BYSL: variants seen among roughly 807,000 people sequenced by gnomAD.
BYSL encodes bystin like, also known as bystin.
A neutral mutation model predicts 45.4 loss-of-function variants in BYSL; 21 were observed. That is an observed-to-expected ratio of 0.46 (90% CI 0.33 to 0.67). The LOEUF (loss-of-function observed/expected upper bound fraction) is 0.67. Ranked by LOEUF, BYSL falls within the 30% of genes least tolerant of loss-of-function variation. The pLI is 0.02. For synonymous variants in BYSL, 215 were observed against 231.3 expected, an observed-to-expected ratio of 0.93 and a Z score of 0.64; for missense variants, 522 against 578.5, an observed-to-expected ratio of 0.90 and a Z score of 1.00.
upstream of BYSL, chr6:41,916,859 C>A (rs769852552): frequency 6.2e-7 from 1 of 1,614,102 alleles, no homozygotes; most frequent in Non-Finnish European, 8.5e-7. Flanking sequence ...CTTCTCTGCC[C>A]CAAGCATCTC....
upstream of BYSL, chr6:41,917,936 A>G: frequency 3.1e-6 from 1 of 322,574 alleles, no homozygotes; most frequent in South Asian, 2.4e-5. Flanking sequence ...AAAAAAGAAA[A>G]GCAGTCTTCA....
At chr6:41,916,076 G>C in the BYSL span, among the ~76,000 whole-genome samples, 1 of 151,468 alleles carries the variant, frequency 6.6e-6, no homozygotes, top group Non-Finnish European at 1.5e-5. Flanking sequence ...GGGAGACCCT[G>C]TCTCTACAAA....
At chr6:41,914,587 T>C in the BYSL span, among the ~76,000 whole-genome samples, 3 of 151,632 alleles carry the variant, frequency 2.0e-5, no homozygotes. Context: ...GAGCCAAGAC[T>C]AAGACAAACA....
At chr6:41,924,353 G>T (rs1775535040) in intron 1 of BYSL, among the ~76,000 whole-genome samples, 1 of 152,090 alleles carries the variant, frequency 6.6e-6, no homozygotes, top group African/African-American at 2.4e-5. Context: ...TTACAGGCAT[G>T]AGCCACTGCA....
intron 1 of BYSL, 89 bp downstream of exon 1, chr6:41,921,919 T>G: frequency 6.8e-7 from 1 of 1,471,880 alleles, no homozygotes; most frequent in Non-Finnish European, 9.0e-7. Context: ...GGGAATTGCT[T>G]CGAGTCAACA....
In BYSL at chr6:41,931,726, A is replaced by G. The variant is rs1353986511; in HGVS notation, c.866-2A>G. ...CAGTGGCTGCCCTTTGACTCTCCCT[A>G]GGGATCCTGATTCCACTGTGCGAGT... On this transcript the variant is annotated splice_acceptor_variant, in intron 5 of 6. Transcript: ENST00000230340. LOFTEE classifies it high-confidence loss of function. 6.2e-7 allele frequency: 1 copy of G among 1,613,916 alleles called. No individual in the cohort carries two copies. Among genetic ancestry groups the G allele is most frequent in the Non-Finnish European group, 8.5e-7 (1 of 1,179,840 alleles).
intron 1 of BYSL, among the ~76,000 whole-genome samples, chr6:41,927,093 CAAAA>C (rs79860520): frequency 1.1e-5 from 1 of 93,334 alleles, no homozygotes; most frequent in Admixed American, 1.1e-4. Context: ...GACTCCATTT[CAAAA>C]AAAAAAAAAA....
Position 41,930,682 on chromosome 6 carries a change from C to G in BYSL, c.618C>G (p.Ile206Met), listed in dbSNP as rs1264430230. The G allele has an allele frequency of 2.5e-6, 4 of 1,613,818 alleles. No individual in the cohort carries two copies. The Admixed American group carries it at 6.7e-5, about 27-fold the overall frequency. ...RSGKLPKAFKIIPALSNWEQI... is the reference protein window; with the variant it reads ...RSGKLPKAFKMIPALSNWEQI... ...GAAAACTGCCCAAGGCATTTAAGATCATCCCTGCACTCTCCAACTGGGAGC... is the reference window on the plus strand; with the variant it reads ...GAAAACTGCCCAAGGCATTTAAGATGATCCCTGCACTCTCCAACTGGGAGC... Residue 206 changes from isoleucine to methionine, a missense_variant, in exon 4 of 7, where the codon ATC (isoleucine) becomes ATG (methionine). Ile to Met is a conservative substitution (Grantham distance 10). Transcript: ENST00000230340.
upstream of BYSL, chr6:41,921,210 C>T (rs556193352): frequency 6.2e-5 from 45 of 720,316 alleles, no homozygotes; most frequent in African/African-American, 7.0e-4. Context: ...TCGGTGACGC[C>T]TCCACTGACA....
intron 4 of BYSL, 22 bp from the exon 5 acceptor site, chr6:41,931,374 T>TC: frequency 6.2e-7 from 1 of 1,613,648 alleles, no homozygotes; most frequent in Non-Finnish European, 8.5e-7. Flanking sequence ...GTTGGAAACT[T>TC]CCCCCGCTTA....
rs750770439 is a variant in BYSL at position 41,932,445 on chromosome 6, A to G, written c.1053A>G (p.Ala351=). 1.9e-6 allele frequency: 3 copies of G among 1,614,048 alleles called. No homozygotes were observed. The highest frequency in any genetic ancestry group is 2.5e-6 in the Non-Finnish European group (3 of 1,180,040). Residue 351 remains alanine (A), a synonymous_variant, in exon 7 of 7, where the codon GCA becomes GCG. Coordinates refer to ENST00000230340, the MANE Select transcript of BYSL (RefSeq NM_004053.4). This position sits in a 1 kb window ranked among gnomAD's most constrained non-coding sequence, Gnocchi z 4.7. ...GACTGCTGCTGGATAAGAAGTATGC[A>G]CTGCCTTACCGGGTGCTGGATGCCC... ...FLRLLLDKKY[A]LPYRVLDALV...
the BYSL span, among the ~76,000 whole-genome samples, chr6:41,911,442 C>T: frequency 3.3e-5 from 5 of 152,072 alleles, no homozygotes; most frequent in East Asian, 1.9e-4. Flanking sequence ...TGAGCCGCCA[C>T]GCCCAGCTGA....
intron 1 of BYSL, 88 bp from the exon 2 acceptor site, chr6:41,927,286 C>A: frequency 6.7e-7 from 1 of 1,489,350 alleles, no homozygotes; most frequent in Non-Finnish European, 9.2e-7. Flanking sequence ...ACATGTGAGG[C>A]CTGTACTACA....
chr6:41,928,568 T>G (rs1775594902), intron 2 of BYSL, among the ~76,000 whole-genome samples: 1 of 152,150 alleles, frequency 6.6e-6, no homozygotes, highest in Non-Finnish European at 1.5e-5. Context: ...CTTTTCCAGC[T>G]TGTAGTAAAT....
At chr6:41,931,920 A>G in intron 6 of BYSL, 90 bp downstream of exon 6, 2 of 1,239,008 alleles carry the variant, frequency 1.6e-6, no homozygotes, top group Non-Finnish European at 2.4e-6. Flanking sequence ...GTGGAGAAGG[A>G]GCTAAGGAAA....
At chr6:41,917,114 T>C (rs1444887149), upstream of BYSL, among the ~76,000 whole-genome samples, 1 of 151,994 alleles carries the variant, frequency 6.6e-6, no homozygotes, top group Non-Finnish European at 1.5e-5. Context: ...TAAAAAAAAT[T>C]TTTTTGGCCA....
upstream of BYSL, chr6:41,920,994 T>G (rs531176755): frequency 1.9e-5 from 30 of 1,611,932 alleles, no homozygotes; most frequent in African/African-American, 1.9e-4. Context: ...CAAAACCCCC[T>G]GCAGTCCTAC....
intron 5 of BYSL, 57 bp downstream of exon 5, chr6:41,931,613 A>T: frequency 6.2e-7 from 1 of 1,612,816 alleles, no homozygotes; most frequent in South Asian, 1.1e-5. Flanking sequence ...TGGGGAACAC[A>T]GCAGGCCTGG....
chr6:41,930,570 T>G (rs1053125793), intron 3 of BYSL, 65 bp from the exon 4 acceptor site: 41 of 1,551,104 alleles, frequency 2.6e-5, no homozygotes, highest in Non-Finnish European at 3.6e-5. Context: ...CCAGACAAGT[T>G]CCTAGCCCAC....
Sources: gnomAD v4.1 joint callset for allele counts (sites outside exome capture counted in the v4.1 genomes callset) on GRCh38, gnomAD v4.1.1 for gene constraint, Gnocchi (gnomAD v3.1) non-coding constraint, MANE v1.5 for transcripts, NCBI Gene and HGNC (gene_info 2026-07-23, HGNC 2026-07-21) for gene names.